The following CD8A variants were observed in gnomAD, a reference collection of about 807,000 sequenced individuals.
CD8A encodes the protein T-cell surface glycoprotein CD8 alpha chain.
A neutral mutation model predicts 24.2 loss-of-function variants in CD8A; 25 were observed. The observed-to-expected ratio is 1.03, with a 90% CI of 0.75 to 1.44. The LOEUF is 1.44. CD8A is among the 40% of genes most tolerant of loss of function. The pLI is 0.00. For synonymous variants in CD8A, 165 were observed against 149.9 expected, an observed-to-expected ratio of 1.10 and a Z score of -0.74; for missense variants, 360 against 319.7, an observed-to-expected ratio of 1.13 and a Z score of -0.96.
chr2:86,793,271 A>G (rs1032838696), upstream of CD8A, among the ~76,000 whole-genome samples: 1 of 152,224 alleles, frequency 6.6e-6, no homozygotes, highest in African/African-American at 2.4e-5. Flanking sequence ...TCATTATTGC[A>G]ACACTAGCAA....
Position 86,785,453 on chromosome 2 carries a change from A to G in CD8A, c.*467T>C, listed in dbSNP as rs1460900038. ...CCTGAGACAGGGGCCTCGGAAAGAA[A>G]GACCTGAATGGTGTGGAGGAAAGAG... On this transcript the variant is annotated 3_prime_UTR_variant, in exon 6 of 6. Coordinates refer to ENST00000283635, the MANE Select transcript of CD8A (RefSeq NM_001768.7). The G allele has an allele frequency of 2.2e-6, 1 of 455,982 alleles. No individual in the cohort carries two copies. The highest frequency in any genetic ancestry group is 4.4e-6 in the Non-Finnish European group (1 of 228,168). The allele number at this position is 455,982 out of a possible 1,614,324, so 28.2% of individuals were successfully genotyped here.
chr2:86,785,988 C>T lies in CD8A; in HGVS notation c.657-17G>A, dbSNP rs1157517642. 2 of 1,611,304 alleles carry T rather than the reference C, an allele frequency of 1.2e-6. No individual in the cohort carries two copies. Among genetic ancestry groups the T allele is most frequent in the Non-Finnish European group, 8.5e-7 (1 of 1,177,390 alleles). On this transcript the variant is annotated splice_polypyrimidine_tract_variant and intron_variant, in intron 5 of 5. Coordinates refer to ENST00000283635, the MANE Select transcript of CD8A (RefSeq NM_001768.7). ...ACCACAGGCCTGAAAGAGAGGAAAG[C>T]GACCATCATTGTAGCCAGAACCCCG...
rs1239954033 is a variant in CD8A, at chr2:86,790,623, G to GC, written c.107dup (p.Glu37ArgfsTer146). On this transcript the variant is annotated frameshift_variant, in exon 2 of 6. Transcript: ENST00000283635. LOFTEE classifies it high-confidence loss of function. ...CCTGGCACTTCAGCTCCACTGTCTC[G>GC]CCCAGGTTCCAGGTCCGATCCAGCG... 1 of 1,606,446 alleles carries GC rather than the reference G, an allele frequency of 6.2e-7. No individual in the cohort carries two copies.
At chr2:86,802,124 G>A (rs1164331229) in intron 2 of CD8A, among the ~76,000 whole-genome samples, 1 of 152,060 alleles carries the variant, frequency 6.6e-6, no homozygotes, top group Non-Finnish European at 1.5e-5. Flanking sequence ...TGCAACCTCC[G>A]CCTCCTGGAT....
upstream of CD8A, among the ~76,000 whole-genome samples, chr2:86,794,000 G>A (rs55816457): frequency 0.19 from 29,491 of 152,126 alleles, 3,116 homozygotes; most frequent in Non-Finnish European, 0.25. Flanking sequence ...TTTTCGATGT[G>A]ACCACAATGA....
intron 4 of CD8A, among the ~76,000 whole-genome samples, 163 bp from the exon 5 acceptor site, chr2:86,788,723 G>A (rs114371083): frequency 5.3e-5 from 8 of 152,252 alleles, no homozygotes; most frequent in African/African-American, 1.9e-4. Flanking sequence ...AGGCAAATAG[G>A]GAATTGCCTC....
chr2:86,784,608 G>A (rs1672919564), downstream of CD8A: 1 of 358,902 alleles, frequency 2.8e-6, no homozygotes, highest in South Asian at 2.1e-5. Flanking sequence ...ACCAAAATCG[G>A]ATGCTGTTTA....
chr2:86,805,834 C>T (rs1673830889), intron 2 of CD8A, among the ~76,000 whole-genome samples: 2 of 152,286 alleles, frequency 1.3e-5, no homozygotes, highest in East Asian at 1.9e-4. Flanking sequence ...GAGTCCTGTC[C>T]TACTCACAGT....
chr2:86,807,064 G>A (rs1308734692), intron 2 of CD8A, among the ~76,000 whole-genome samples: 1 of 151,958 alleles, frequency 6.6e-6, no homozygotes, highest in Non-Finnish European at 1.5e-5. Flanking sequence ...GGAGGCCTCT[G>A]AACAAAAAGA....
intron 4 of CD8A, 116 bp from the exon 5 acceptor site, chr2:86,788,676 A>T: frequency 1.1e-6 from 1 of 922,134 alleles, no homozygotes; most frequent in African/African-American, 1.6e-5. Flanking sequence ...GTTTTACAAA[A>T]AATCATTTCA....
rs1468365583 is a variant in CD8A, at chr2:86,784,976, T to C, written c.*944A>G. 2.2e-6 allele frequency: 1 copy of C among 454,144 alleles called. No individual in the cohort carries two copies. The highest frequency in any genetic ancestry group is 6.9e-5 in the East Asian group (1 of 14,392). 28.1% of individuals were successfully genotyped at this position (454,144 alleles called of 1,614,324 possible). ...GAGGCCAGGGCTGTGTGAGGGGCTC[T>C]CCAACAATTGTCTTTACAAAGTATA... is the stretch of plus-strand genomic sequence containing the variant. On this transcript the variant is annotated 3_prime_UTR_variant, in exon 6 of 6. Transcript: ENST00000283635.
Position 86,784,999 on chromosome 2 carries a change from A to G in CD8A, c.*921T>C. On this transcript the variant is annotated 3_prime_UTR_variant, in exon 6 of 6. Transcript: ENST00000283635. ...TCTCCAACAATTGTCTTTACAAAGT[A>G]TAAAAAGTCATCAGTGATCCCAGGA... is the stretch of plus-strand genomic sequence containing the variant. The G allele has an allele frequency of 2.2e-6, 1 of 454,122 alleles. No individual in the cohort carries two copies. Among genetic ancestry groups the G allele is most frequent in the South Asian group, 1.6e-5 (1 of 64,480 alleles). 28.1% of individuals were successfully genotyped at this position (454,122 alleles called of 1,614,324 possible).
At chr2:86,804,966 C>T (rs6749487) in intron 2 of CD8A, among the ~76,000 whole-genome samples, 1 of 151,958 alleles carries the variant, frequency 6.6e-6, no homozygotes, top group Non-Finnish European at 1.5e-5. Flanking sequence ...CCATGCCTGG[C>T]TAATTTTTGT....
chr2:86,808,047 G>A (rs1308836054), intron 1 of CD8A: 2 of 152,326 alleles, frequency 1.3e-5, no homozygotes, highest in Non-Finnish European at 2.9e-5. Context: ...CAAATCTCGG[G>A]GCCAGCCTTG....
Position 86,790,510 on chromosome 2 carries a change from G to A in CD8A, c.221C>T (p.Ser74Phe), listed in dbSNP as rs754918271. Residue 74 changes from serine (S) to phenylalanine (F), a missense_variant, in exon 2 of 6, where the codon TCC becomes TTC. Transcript: ENST00000283635. ...CTCGGCCGCCTTGGGCTTGTTTTGG[G>A]AGAGGTATAGGAGGAAGGTGGGACT... ...AASPTFLLYL[S>F]QNKPKAAEGL... 3.0e-5 allele frequency: 48 copies of A among 1,614,010 alleles called. No individual in the cohort carries two copies. Among genetic ancestry groups the A allele is most frequent in the Admixed American group, 5.0e-5 (3 of 60,018 alleles).
At chr2:86,798,824 C>T (rs1195353498) in intron 3 of CD8A, among the ~76,000 whole-genome samples, 1 of 152,184 alleles carries the variant, frequency 6.6e-6, no homozygotes, top group East Asian at 1.9e-4. Flanking sequence ...GCCCAGCCTG[C>T]ATAATGTATC....
At chr2:86,788,694 C>A in intron 4 of CD8A, 134 bp from the exon 5 acceptor site, 1 of 786,906 alleles carries the variant, frequency 1.3e-6, no homozygotes, top group Non-Finnish European at 2.2e-6. Context: ...TCAGAACGAT[C>A]ATGGGCTGAA....
intron 3 of CD8A, among the ~76,000 whole-genome samples, chr2:86,800,212 C>T (rs909852077): frequency 6.6e-6 from 1 of 152,044 alleles, no homozygotes. Flanking sequence ...GTAATCCCAG[C>T]ACTCTGGGAG....
chr2:86,793,023 A>G (rs1673364421), upstream of CD8A, among the ~76,000 whole-genome samples: 1 of 152,192 alleles, frequency 6.6e-6, no homozygotes, highest in Non-Finnish European at 1.5e-5. Flanking sequence ...CCCCACAGAA[A>G]ACCACTGTTA....
Sources: gnomAD v4.1 joint callset for allele counts (sites outside exome capture counted in the v4.1 genomes callset) on GRCh38, gnomAD v4.1.1 for gene constraint, MANE v1.5 for transcripts, NCBI Gene and HGNC (gene_info 2026-07-23, HGNC 2026-07-21) for gene names.